The following DCDC1 variants were observed in gnomAD, a reference collection of about 807,000 sequenced individuals.
DCDC1 encodes doublecortin domain-containing protein 1.
DCDC1 carries 200 observed loss-of-function variants against 178.3 expected under a neutral mutation model. That is an observed-to-expected ratio of 1.12 (90% CI 1.00 to 1.26). DCDC1 has a LOEUF of 1.26. Ranked by LOEUF, DCDC1 falls within the 50% of genes most tolerant of loss-of-function variation. The probability of loss-of-function intolerance (pLI) is 0.00; values close to 1 mark genes in which losing one functional copy is unlikely to be tolerated. For synonymous variants in DCDC1, 690 were observed against 604.8 expected (o/e 1.14, Z -2.07); for missense variants, 1,983 against 1,749.2 (o/e 1.13, Z -2.38).
At chr11:31,259,297 G>A (rs923251293) in intron 8 of DCDC1, among the ~76,000 whole-genome samples, 1 of 152,026 alleles carries the variant, frequency 6.6e-6, no homozygotes, top group Non-Finnish European at 1.5e-5. Flanking sequence ...AGGTTGCAGT[G>A]AGCCAAGATC....
intron 17 of DCDC1, among the ~76,000 whole-genome samples, chr11:31,090,265 T>A (rs1411985730): frequency 6.6e-6 from 1 of 152,182 alleles, no homozygotes; most frequent in Non-Finnish European, 1.5e-5. Flanking sequence ...CACTAAGGTA[T>A]CTGCTACCAC....
At chr11:31,009,383 T>G (rs144718112) in intron 20 of DCDC1, among the ~76,000 whole-genome samples, 5 of 152,178 alleles carry the variant, frequency 3.3e-5, no homozygotes, top group Non-Finnish European at 7.4e-5. Flanking sequence ...CATAACAAAT[T>G]ATCACAAATT....
rs112671745 is a variant in DCDC1 at position 30,977,358 on chromosome 11, G to A, written c.2592-24790C>T. ...TGAAAAGTTCCCAACACATAGAAAC[G>A]GTAAATACTCAATGGGACACCCCAA... On this transcript the variant is annotated intron_variant, in intron 20 of 38. Transcript: ENST00000684477. Among the ~76,000 whole-genome samples the A allele has an allele frequency of 4.1e-3, 630 of 152,174 alleles. 7 individuals carry two copies. The highest frequency in any genetic ancestry group is 0.014 in the African/African-American group (596 of 41,524).
At chr11:31,119,348 G>A (rs755096144) in intron 11 of DCDC1, among the ~76,000 whole-genome samples, 2 of 151,986 alleles carry the variant, frequency 1.3e-5, no homozygotes, top group South Asian at 2.1e-4. Flanking sequence ...TCAAATGAAC[G>A]CAAAGTTGGC....
chr11:30,981,027 T>G (rs557309210), intron 20 of DCDC1, among the ~76,000 whole-genome samples: 1 of 152,314 alleles, frequency 6.6e-6, no homozygotes, highest in African/African-American at 2.4e-5. Flanking sequence ...AATAAAATTA[T>G]GTCTTTTGCA....
At chr11:31,290,461 A>T (rs1947142662) in intron 7 of DCDC1, among the ~76,000 whole-genome samples, 186 bp downstream of exon 7, 1 of 152,144 alleles carries the variant, frequency 6.6e-6, no homozygotes, top group African/African-American at 2.4e-5. Context: ...TTGCTAAGGT[A>T]ATTTATGGTA....
intron 1 of DCDC1, among the ~76,000 whole-genome samples, chr11:31,354,169 C>T (rs1050373464): frequency 2.0e-5 from 3 of 152,080 alleles, no homozygotes; most frequent in Admixed American, 2.0e-4. Flanking sequence ...GCCTGTAGTA[C>T]CAGCTACTCA....
At chr11:30,870,247 T>G (rs1941409609) in intron 38 of DCDC1, among the ~76,000 whole-genome samples, 2 of 152,180 alleles carry the variant, frequency 1.3e-5, no homozygotes, top group Non-Finnish European at 2.9e-5. Context: ...GAAAACTCCC[T>G]GAGACACCTC....
intron 1 of DCDC1, among the ~76,000 whole-genome samples, chr11:31,363,034 T>C (rs1325752094): frequency 6.6e-6 from 1 of 152,142 alleles, no homozygotes; most frequent in Admixed American, 6.5e-5. Flanking sequence ...ATATCTCTTG[T>C]GGATTTAAAC....
chr11:31,120,549 A>G (rs1057135755), intron 11 of DCDC1, among the ~76,000 whole-genome samples: 1 of 152,176 alleles, frequency 6.6e-6, no homozygotes, highest in African/African-American at 2.4e-5. Flanking sequence ...AATTTCAAAG[A>G]GAGCTCCCCA....
intron 20 of DCDC1, among the ~76,000 whole-genome samples, chr11:31,061,133 G>C (rs1955892738): frequency 6.6e-6 from 1 of 152,054 alleles, no homozygotes; most frequent in Non-Finnish European, 1.5e-5. Flanking sequence ...GTGCCCAAAG[G>C]CAAACTGTCA....
At chr11:31,144,367 G>A (rs1964202908) in intron 9 of DCDC1, among the ~76,000 whole-genome samples, 1 of 151,794 alleles carries the variant, frequency 6.6e-6, no homozygotes, top group Non-Finnish European at 1.5e-5. Context: ...TCAAACTCCT[G>A]AGCAGGTGAT....
intron 1 of DCDC1, among the ~76,000 whole-genome samples, chr11:31,367,225 G>A (rs1258235337): frequency 6.6e-6 from 1 of 152,228 alleles, no homozygotes; most frequent in African/African-American, 2.4e-5. Flanking sequence ...CTTGAGCCTG[G>A]GAGGTAGAGG....
chr11:31,301,592 A>C (rs1183770371), intron 6 of DCDC1, among the ~76,000 whole-genome samples: 2 of 152,244 alleles, frequency 1.3e-5, no homozygotes, highest in Non-Finnish European at 2.9e-5. Flanking sequence ...TCATTAAATG[A>C]ATGCATTTTT....
At chr11:30,938,949 C>A (rs1024213603) in intron 21 of DCDC1, among the ~76,000 whole-genome samples, 2 of 151,996 alleles carry the variant, frequency 1.3e-5, no homozygotes, top group Non-Finnish European at 2.9e-5. Flanking sequence ...ACTCAACCCC[C>A]CTTATTGGAG....
chr11:31,026,827 C>T (rs976928360), intron 20 of DCDC1, among the ~76,000 whole-genome samples: 3 of 151,716 alleles, frequency 2.0e-5, no homozygotes, highest in African/African-American at 7.2e-5. Flanking sequence ...AAAAATATTA[C>T]TTAAGGAAAA....
At chr11:31,116,128 G>C (rs946251277) in intron 11 of DCDC1, among the ~76,000 whole-genome samples, 1 of 151,914 alleles carries the variant, frequency 6.6e-6, no homozygotes, top group Non-Finnish European at 1.5e-5. Flanking sequence ...GGATTTTACA[G>C]GTGACTCTCA....
intron 8 of DCDC1, among the ~76,000 whole-genome samples, chr11:31,260,332 T>G (rs1431027452): frequency 6.6e-6 from 1 of 152,226 alleles, no homozygotes; most frequent in African/African-American, 2.4e-5. Flanking sequence ...TTAATTTTAA[T>G]GTCTCCACAA....
intron 25 of DCDC1, among the ~76,000 whole-genome samples, chr11:30,917,537 C>A (rs1178177395): frequency 6.6e-6 from 1 of 152,096 alleles, no homozygotes; most frequent in East Asian, 1.9e-4. Context: ...CACATATGAG[C>A]CAGCTTTTGA....
Sources: allele counts gnomAD v4.1 joint callset (sites outside exome capture counted in the v4.1 genomes callset), GRCh38; gene constraint gnomAD v4.1.1; transcripts MANE v1.5; gene names NCBI Gene and HGNC (gene_info 2026-07-23, HGNC 2026-07-21).